Variants in WAPL observed in about 807,000 individuals in gnomAD.
WAPL encodes WAPL cohesin release factor, also known as wings apart-like protein homolog.
WAPL carries 5 observed loss-of-function variants against 121.0 expected under a neutral mutation model. The ratio of observed to expected loss-of-function variants is 0.04; its 90% CI spans 0.02 to 0.09. The LOEUF is 0.09. WAPL is among the 10% of genes least tolerant of loss of function. WAPL has a pLI of 1.00. For missense variants in WAPL, 999 were observed against 1,410.8 expected (o/e 0.71, Z 4.68); for synonymous variants, 480 against 481.5 (o/e 1.00, Z 0.04).
chr10:86,454,724 C>T (rs1455683570), intron 12 of WAPL, among the ~76,000 whole-genome samples: 1 of 151,892 alleles, frequency 6.6e-6, no homozygotes, highest in Admixed American at 6.6e-5. Flanking sequence ...GCCCTCTGCC[C>T]GGCCGCCCAG....
intron 4 of WAPL, 31 bp from the exon 5 acceptor site, chr10:86,474,004 C>T: frequency 2.6e-6 from 4 of 1,549,212 alleles, no homozygotes; most frequent in Non-Finnish European, 3.6e-6. Context: ...TCAACTGCTT[C>T]CATCCTTATA....
Position 86,507,882 on chromosome 10 carries a change from T to G in WAPL, c.500-7139A>C, listed in dbSNP as rs916038012. 7.2e-5 allele frequency among the ~76,000 whole-genome samples: 11 copies of G among 152,092 alleles called. 1 individual carries two copies. The highest frequency in any genetic ancestry group is 2.2e-4 in the African/African-American group (9 of 41,384). On this transcript the variant is annotated intron_variant, in intron 2 of 18. Transcript: ENST00000298767. Reference sequence around the variant, plus strand: ...GCACTCAGCATTTTAAATTCCACAGTCTATCTTCTCAATCTCTCTCTGGGC... The same window carrying G: ...GCACTCAGCATTTTAAATTCCACAGGCTATCTTCTCAATCTCTCTCTGGGC...
In WAPL at chr10:86,475,011, T is replaced by A. The variant is rs74425658; in HGVS notation, c.1645-1038A>T. On this transcript the variant is annotated intron_variant, in intron 4 of 18. Coordinates refer to ENST00000298767, the MANE Select transcript of WAPL (RefSeq NM_015045.5). Reference sequence around the variant, plus strand: ...GTACCATGTAATAACATACATGATTTCTGCAGCAAAATGTTACACTAAGCA... The same window carrying A: ...GTACCATGTAATAACATACATGATTACTGCAGCAAAATGTTACACTAAGCA... Among the ~76,000 whole-genome samples the A allele has an allele frequency of 1.3e-4, 20 of 152,338 alleles. No individual in the cohort carries two copies. The East Asian group carries it at 3.9e-3, about 29-fold the overall frequency.
intron 4 of WAPL, among the ~76,000 whole-genome samples, chr10:86,494,792 C>G (rs1468805510): frequency 6.6e-6 from 1 of 152,186 alleles, no homozygotes; most frequent in Non-Finnish European, 1.5e-5. Flanking sequence ...GGCACGGTTT[C>G]ACATTCCAAG....
intron 16 of WAPL, among the ~76,000 whole-genome samples, chr10:86,444,892 C>CAAAAAAAAAAAAAAAAAAAAAAAAAAA (rs35307250): frequency 1.5e-5 from 1 of 68,194 alleles, no homozygotes; most frequent in East Asian, 3.4e-4. Flanking sequence ...GTTATTACGC[C>CAAAAAAAAAAAAAAAAAAAAAAAAAAA]AAAAAAAAAA....
At chr10:86,448,301 CTT>C (rs1386864745) in intron 15 of WAPL, among the ~76,000 whole-genome samples, 2 of 151,564 alleles carry the variant, frequency 1.3e-5, no homozygotes, top group African/African-American at 4.9e-5. Flanking sequence ...AAATACGAAA[CTT>C]AGCCAAACGT....
intron 4 of WAPL, among the ~76,000 whole-genome samples, chr10:86,479,229 A>G (rs1340862941): frequency 6.6e-6 from 1 of 152,198 alleles, no homozygotes; most frequent in East Asian, 1.9e-4. Flanking sequence ...AAAGCCAGGA[A>G]AAAAAGGAAT....
chr10:86,503,272 T>C (rs1328804205), intron 2 of WAPL, among the ~76,000 whole-genome samples: 1 of 151,536 alleles, frequency 6.6e-6, no homozygotes, highest in African/African-American at 2.4e-5. Flanking sequence ...CACGGTGTGC[T>C]GAGGACTAAA....
intron 4 of WAPL, among the ~76,000 whole-genome samples, chr10:86,486,812 T>C (rs755715660): frequency 6.6e-6 from 1 of 151,976 alleles, no homozygotes; most frequent in South Asian, 2.1e-4. Flanking sequence ...AAAAATTAGC[T>C]GGACGCAGTG....
At chr10:86,476,681 T>C (rs989634558) in intron 4 of WAPL, among the ~76,000 whole-genome samples, 4 of 136,314 alleles carry the variant, frequency 2.9e-5, no homozygotes, top group South Asian at 2.7e-4. Flanking sequence ...AAAGCGAGAC[T>C]GTCTTTAAAA....
chr10:86,465,379 T>C (rs907163098), intron 9 of WAPL, among the ~76,000 whole-genome samples: 1 of 152,296 alleles, frequency 6.6e-6, no homozygotes, highest in Admixed American at 6.5e-5. Context: ...CTAATTTTTG[T>C]ATTTTTAGTG....
At chr10:86,450,651 A>T (rs899213370) in intron 15 of WAPL, among the ~76,000 whole-genome samples, 1 of 152,228 alleles carries the variant, frequency 6.6e-6, no homozygotes, top group Non-Finnish European at 1.5e-5. Context: ...GTATCTGGAG[A>T]CTAAAAGCAG....
intron 16 of WAPL, among the ~76,000 whole-genome samples, chr10:86,444,325 C>A (rs1178068028): frequency 6.6e-6 from 1 of 152,158 alleles, no homozygotes; most frequent in African/African-American, 2.4e-5. Flanking sequence ...TACATACAAT[C>A]CAACAATTCC....
chr10:86,454,136 A>G (rs900594871), intron 12 of WAPL, among the ~76,000 whole-genome samples: 4 of 152,224 alleles, frequency 2.6e-5, no homozygotes, highest in Admixed American at 2.6e-4. Context: ...GTTAACAGCT[A>G]ATGTTGGACA....
At chr10:86,458,588 TA>T (rs1302728813) in intron 12 of WAPL, among the ~76,000 whole-genome samples, 42 of 152,160 alleles carry the variant, frequency 2.8e-4, no homozygotes, top group Non-Finnish European at 2.9e-5. Context: ...AAAGATACTT[TA>T]AAAATCATTT....
chr10:86,478,305 T>C (rs2132199517), intron 4 of WAPL, among the ~76,000 whole-genome samples: 1 of 151,986 alleles, frequency 6.6e-6, no homozygotes, highest in Non-Finnish European at 1.5e-5. Flanking sequence ...GGCACGTGCC[T>C]GTGGTCCCAG....
intron 4 of WAPL, among the ~76,000 whole-genome samples, chr10:86,493,106 G>T (rs529327008): frequency 3.4e-4 from 51 of 151,048 alleles, no homozygotes; most frequent in Middle Eastern, 3.4e-3. Context: ...TTTTTCAAAG[G>T]GGGGTACTGT....
intron 4 of WAPL, among the ~76,000 whole-genome samples, chr10:86,475,706 C>T (rs1182148937): frequency 6.6e-6 from 1 of 152,178 alleles, no homozygotes; most frequent in Non-Finnish European, 1.5e-5. Context: ...TAAAACCAAC[C>T]TCTCTATTCC....
chr10:86,454,880 C>T (rs1476280099), intron 12 of WAPL, among the ~76,000 whole-genome samples: 3 of 151,166 alleles, frequency 2.0e-5, no homozygotes, highest in Admixed American at 6.6e-5. Context: ...TGTCTCTGCC[C>T]GACCGCCACC....
Sources: allele counts gnomAD v4.1 joint callset (sites outside exome capture counted in the v4.1 genomes callset), GRCh38; gene constraint gnomAD v4.1.1; transcripts MANE v1.5; gene names NCBI Gene and HGNC (gene_info 2026-07-23, HGNC 2026-07-21).